The following MAPK10 variants were observed in gnomAD, a reference collection of about 807,000 sequenced individuals.
MAPK10 encodes the protein JNK3 alpha protein kinase.
MAPK10 carries 25 observed loss-of-function variants against 59.3 expected under a neutral mutation model. The observed-to-expected ratio is 0.42, with a 90% CI of 0.31 to 0.59. The LOEUF (loss-of-function observed/expected upper bound fraction) is 0.59. MAPK10 is among the 20% of genes least tolerant of loss of function. The pLI, the probability that MAPK10 is intolerant of heterozygous loss-of-function variation, is 0.15. For missense variants in MAPK10, 351 were observed against 568.9 expected (o/e 0.62, Z 3.90); for synonymous variants, 190 against 200.5 (o/e 0.95, Z 0.44).
chr4:86,454,074 AC>A (rs1028794373), upstream of MAPK10, among the ~76,000 whole-genome samples: 1 of 152,190 alleles, frequency 6.6e-6, no homozygotes, highest in African/African-American at 2.4e-5. Context: ...GGACAGTACT[AC>A]ATCAAGGAAA....
At chr4:86,546,631 G>A (rs78788957) in intron 1 of MAPK10, among the ~76,000 whole-genome samples, 4,114 of 152,008 alleles carry the variant, frequency 0.027, 197 homozygotes, top group African/African-American at 0.094. Context: ...GCCCTTCTGA[G>A]TATAGGTCCT....
chr4:86,543,330 C>G (rs952434231), intron 1 of MAPK10, among the ~76,000 whole-genome samples: 1 of 152,198 alleles, frequency 6.6e-6, no homozygotes, highest in Non-Finnish European at 1.5e-5. Flanking sequence ...ATTCTTGTAT[C>G]CATGTCTTGC....
chr4:86,412,514 C>G (rs1226695960), intron 1 of MAPK10, among the ~76,000 whole-genome samples: 1 of 152,186 alleles, frequency 6.6e-6, no homozygotes, highest in Non-Finnish European at 1.5e-5. Context: ...TGGTTCCATT[C>G]TCCCTGTCAC....
intron 1 of MAPK10, among the ~76,000 whole-genome samples, chr4:86,540,259 G>T (rs953427969): frequency 1.3e-5 from 2 of 152,242 alleles, no homozygotes; most frequent in Non-Finnish European, 2.9e-5. Context: ...CTAGCACTTT[G>T]GAAGGCCAAG....
At chr4:86,364,614 A>C (rs1419866274), upstream of MAPK10, among the ~76,000 whole-genome samples, 1 of 152,204 alleles carries the variant, frequency 6.6e-6, no homozygotes, top group Non-Finnish European at 1.5e-5. Flanking sequence ...TACTTTTCTA[A>C]AATTTGATTA....
intron 1 of MAPK10, among the ~76,000 whole-genome samples, chr4:86,505,286 C>A (rs1180858864): frequency 6.6e-6 from 1 of 151,908 alleles, no homozygotes; most frequent in Non-Finnish European, 1.5e-5. Context: ...GCCCATGTAC[C>A]CCCTGAATCT....
intron 1 of MAPK10, among the ~76,000 whole-genome samples, chr4:86,560,171 C>T (rs1760565571): frequency 6.6e-6 from 1 of 152,112 alleles, no homozygotes; most frequent in African/African-American, 2.4e-5. Context: ...ACACACATTA[C>T]TTTATATGTA....
intron 2 of MAPK10, among the ~76,000 whole-genome samples, chr4:86,222,203 C>T (rs568407327): frequency 9.2e-5 from 14 of 152,196 alleles, no homozygotes; most frequent in African/African-American, 3.4e-4. Context: ...TATTAATTAC[C>T]CAGTCTCAGG....
intron 1 of MAPK10, among the ~76,000 whole-genome samples, chr4:86,398,729 A>T (rs943893016): frequency 2.6e-5 from 4 of 152,128 alleles, no homozygotes; most frequent in Admixed American, 1.3e-4. Flanking sequence ...ACAGCACCCA[A>T]TAGTTAGTTT....
At chr4:86,072,752 C>G in intron 9 of MAPK10, among the ~76,000 whole-genome samples, 1 of 73,466 alleles carries the variant, frequency 1.4e-5, no homozygotes, top group Non-Finnish European at 2.5e-5. Context: ...CCCACTTGAT[C>G]ATGGTGGATA....
chr4:86,515,931 G>T (rs1427380670), intron 1 of MAPK10, among the ~76,000 whole-genome samples: 3 of 151,252 alleles, frequency 2.0e-5, no homozygotes, highest in Admixed American at 6.6e-5. Context: ...TTTGCTTTTG[G>T]GTTCTTGGTC....
chr4:86,337,428 A>G (rs1027164228), intron 2 of MAPK10, among the ~76,000 whole-genome samples: 1 of 152,202 alleles, frequency 6.6e-6, no homozygotes, highest in Non-Finnish European at 1.5e-5. Context: ...CATTTATGTG[A>G]GTGGATGTCC....
intron 1 of MAPK10, among the ~76,000 whole-genome samples, chr4:86,499,928 T>C (rs1014298323): frequency 1.3e-5 from 2 of 152,188 alleles, no homozygotes; most frequent in Non-Finnish European, 2.9e-5. Flanking sequence ...CGTGAAAACC[T>C]TGGGGATGGA....
intron 1 of MAPK10, among the ~76,000 whole-genome samples, chr4:86,411,475 T>C (rs923494133): frequency 5.9e-5 from 9 of 152,188 alleles, no homozygotes; most frequent in Non-Finnish European, 1.3e-4. Flanking sequence ...TTCTGTCTCA[T>C]TGATCTGTCT....
chr4:86,070,486 ACCCAC>A (rs2047660579), intron 9 of MAPK10, among the ~76,000 whole-genome samples: 1 of 150,098 alleles, frequency 6.7e-6, no homozygotes, highest in African/African-American at 2.5e-5. Flanking sequence ...GGTGCGCTGC[ACCCAC>A]TAACTCGTCA....
intron 9 of MAPK10, among the ~76,000 whole-genome samples, chr4:86,094,419 G>A (rs1025584424): frequency 4.6e-5 from 7 of 151,938 alleles, no homozygotes; most frequent in Non-Finnish European, 8.8e-5. Flanking sequence ...TAATATACTT[G>A]AGGTCCAGAA....
intron 10 of MAPK10, among the ~76,000 whole-genome samples, chr4:86,067,149 T>C (rs1169665449): frequency 6.6e-6 from 1 of 152,176 alleles, no homozygotes; most frequent in East Asian, 1.9e-4. Flanking sequence ...AATATATATC[T>C]ATTTTTTGAG....
At chr4:86,117,387 TGGTTC>T (rs2058448940) in intron 4 of MAPK10, among the ~76,000 whole-genome samples, 1 of 152,232 alleles carries the variant, frequency 6.6e-6, no homozygotes, top group East Asian at 1.9e-4. Flanking sequence ...CCTGTCTTAA[TGGTTC>T]ACAGGGTATC....
chr4:86,492,772 C>A (rs1048640320), intron 1 of MAPK10, among the ~76,000 whole-genome samples: 1 of 152,110 alleles, frequency 6.6e-6, no homozygotes, highest in African/African-American at 2.4e-5. Flanking sequence ...TTTGGACTCA[C>A]TGTAGGACTG....
Sources: gnomAD v4.1 joint callset for allele counts (sites outside exome capture counted in the v4.1 genomes callset) on GRCh38, gnomAD v4.1.1 for gene constraint, MANE v1.5 for transcripts, NCBI Gene and HGNC (gene_info 2026-07-23, HGNC 2026-07-21) for gene names.